Variants in STK38 observed in about 807,000 individuals in gnomAD.
STK38 encodes the protein serine/threonine kinase 38.
In STK38, 26 loss-of-function variants were observed where a neutral mutation model predicts 59.0. That is an observed-to-expected ratio of 0.44 (90% CI 0.32 to 0.61). The LOEUF is 0.61. Ranked by LOEUF, STK38 falls within the 20% of genes least tolerant of loss-of-function variation. The pLI, the probability that STK38 is intolerant of heterozygous loss-of-function variation, is 0.04. For synonymous variants in STK38, 175 were observed against 176.6 expected (o/e 0.99, Z 0.07); for missense variants, 433 against 566.0 (o/e 0.76, Z 2.38).
chr6:36,530,371 CT>C (rs112772351), intron 2 of STK38, among the ~76,000 whole-genome samples: 8,176 of 147,798 alleles, frequency 0.055, 531 homozygotes, highest in Admixed American at 0.17. Context: ...CTAATAAATA[CT>C]TTTTTTTTTG....
intron 5 of STK38, among the ~76,000 whole-genome samples, chr6:36,519,800 C>T (rs1777338784): frequency 6.6e-6 from 1 of 152,154 alleles, no homozygotes; most frequent in Non-Finnish European, 1.5e-5. Context: ...TAACTGTATA[C>T]TGGCATCACA....
In STK38 at chr6:36,495,672, T is replaced by G; in HGVS notation, c.*112A>C. ...TACCACATTTCAGGAGACTTTACTA[T>G]GACATATTGGTGGGTTCCATCAACT... On this transcript the variant is annotated 3_prime_UTR_variant, in exon 14 of 14. Transcript: ENST00000229812. The G allele has an allele frequency of 5.0e-6, 7 of 1,393,352 alleles. No homozygotes were observed. The highest frequency in any genetic ancestry group is 6.9e-6 in the Non-Finnish European group (7 of 1,019,914). 86.3% of individuals were successfully genotyped at this position (1,393,352 alleles called of 1,614,324 possible). A position where few individuals can be genotyped will look rare whatever the true frequency, so the allele number is the denominator to read the frequency against.
At chr6:36,542,510 G>C (rs1162774407) in intron 1 of STK38, among the ~76,000 whole-genome samples, 1 of 152,140 alleles carries the variant, frequency 6.6e-6, no homozygotes, top group African/African-American at 2.4e-5. Context: ...TCAACCAGGA[G>C]TGTGGCACAC....
Position 36,503,964 on chromosome 6 carries a change from C to T in STK38, c.834+2619G>A, listed in dbSNP as rs183397695. ...CCAGGGTGTCCTCCAACTCCAACCT[C>T]GTAAATCTGTACTCCAGTTTCTCCT... On this transcript the variant is annotated intron_variant, in intron 9 of 13. Coordinates refer to ENST00000229812, the MANE Select transcript of STK38 (RefSeq NM_007271.4). Among the ~76,000 whole-genome samples, 8 of 152,324 alleles carry T rather than the reference C, an allele frequency of 5.3e-5. No individual in the cohort carries two copies. The East Asian group carries it at 5.8e-4, about 11-fold the overall frequency.
chr6:36,515,643 A>G, intron 6 of STK38, 151 bp from the exon 7 acceptor site: 2 of 1,344,656 alleles, frequency 1.5e-6, no homozygotes, highest in Non-Finnish European at 2.0e-6. Flanking sequence ...TGTGCCAGAG[A>G]TAGACCCACA....
At position 36,539,745 on chromosome 6, in the gene STK38, ATTTTTT is replaced by A. The variant is rs55784149; in HGVS notation, c.131+321_131+326del. Among the ~76,000 whole-genome samples the A allele has an allele frequency of 4.3e-3, 565 of 131,232 alleles. 2 individuals are homozygous for A. Among genetic ancestry groups the A allele is most frequent in the African/African-American group, 0.015 (535 of 34,928 alleles). The allele number at this position is 131,232 out of a possible 152,430, so 86.1% of individuals were successfully genotyped here. ...CAATCAACTCCTTGGATTGGGCCTA[ATTTTTT>A]TTTTTTTTTTTTTTTTAAGATACAG... On this transcript the variant is annotated intron_variant, in intron 2 of 13. Transcript: ENST00000229812.
At chr6:36,496,043 A>AT (rs34301019) in intron 13 of STK38, 129 bp from the exon 14 acceptor site, 43,248 of 616,550 alleles carry the variant, frequency 0.07, 226 homozygotes, top group African/African-American at 0.098. Context: ...CACTCTATGA[A>AT]TTTTTTTTTT....
chr6:36,498,266 C>G (rs944639162), intron 11 of STK38, 97 bp downstream of exon 11: 1 of 1,477,326 alleles, frequency 6.8e-7, no homozygotes, highest in Admixed American at 2.2e-5. Context: ...TAGGAGGAAA[C>G]AGAAAGCAGA....
chr6:36,517,591 TA>T, intron 6 of STK38, 125 bp downstream of exon 6: 7 of 1,278,120 alleles, frequency 5.5e-6, no homozygotes, highest in South Asian at 3.2e-5. Flanking sequence ...TTTATAGACC[TA>T]AAAAAGGATA....
At chr6:36,498,589 C>CTTTTTTTT (rs374274208) in intron 10 of STK38, 103 bp from the exon 11 acceptor site, 14 of 936,304 alleles carry the variant, frequency 1.5e-5, no homozygotes, top group East Asian at 3.5e-5. Flanking sequence ...TTTCTTTTTT[C>CTTTTTTTT]TTTTTTTTTT....
chr6:36,497,346 C>A (rs1358923243), intron 12 of STK38, among the ~76,000 whole-genome samples: 1 of 152,194 alleles, frequency 6.6e-6, no homozygotes, highest in Non-Finnish European at 1.5e-5. Flanking sequence ...TCTACTACCC[C>A]CACCATAACA....
chr6:36,536,364 G>T (rs1777790501), intron 2 of STK38, among the ~76,000 whole-genome samples: 6 of 152,006 alleles, frequency 3.9e-5, no homozygotes, highest in Admixed American at 3.3e-4. Flanking sequence ...AAATCCTTAT[G>T]ACTTGGGGAT....
chr6:36,508,829 G>A (rs1777032313), intron 7 of STK38, among the ~76,000 whole-genome samples: 1 of 152,232 alleles, frequency 6.6e-6, no homozygotes. Context: ...AGAGCAGGTA[G>A]CTCCAGGTGC....
chr6:36,538,393 G>T (rs1777849258), intron 2 of STK38, among the ~76,000 whole-genome samples: 1 of 152,142 alleles, frequency 6.6e-6, no homozygotes, highest in African/African-American at 2.4e-5. Flanking sequence ...ACTTTTTCTG[G>T]GAGACGTAAT....
At chr6:36,510,508 G>A (rs537111685) in intron 7 of STK38, among the ~76,000 whole-genome samples, 1 of 152,178 alleles carries the variant, frequency 6.6e-6, no homozygotes, top group Non-Finnish European at 1.5e-5. Flanking sequence ...TGGGAGGGCA[G>A]GGCTCCCGCT....
intron 2 of STK38, among the ~76,000 whole-genome samples, chr6:36,527,552 C>T (rs530283065): frequency 1.5e-5 from 2 of 137,798 alleles, no homozygotes; most frequent in Non-Finnish European, 3.1e-5. Context: ...GACTCTGCCT[C>T]AAAGAAAAAA....
chr6:36,506,721 G>C, intron 8 of STK38, 77 bp from the exon 9 acceptor site: 1 of 1,303,548 alleles, frequency 7.7e-7, no homozygotes, highest in Non-Finnish European at 1.1e-6. Context: ...GCTCTTTCAA[G>C]TCACATGAGA....
chr6:36,501,709 G>C (rs1243668735), intron 9 of STK38, among the ~76,000 whole-genome samples: 2 of 152,092 alleles, frequency 1.3e-5, no homozygotes, highest in Non-Finnish European at 2.9e-5. Context: ...ACAGGAGTGA[G>C]CCACCGCAAC....
At position 36,527,207 on chromosome 6, in the gene STK38, A is replaced by ATATATAT. The variant is rs1554168828; in HGVS notation, c.132-1566_132-1565insATATATA. On this transcript the variant is annotated intron_variant, in intron 2 of 13. Transcript: ENST00000229812. ...ACTCCGTCTCAAAAAAAAAAAAAAA[A>ATATATAT]ATATATGTATATATATATATATTTA... Among the ~76,000 whole-genome samples the ATATATAT allele has an allele frequency of 3.8e-3, 454 of 119,294 alleles. 3 individuals are homozygous for ATATATAT. Among genetic ancestry groups the ATATATAT allele is most frequent in the African/African-American group, 8.4e-3 (240 of 28,560 alleles). The allele number at this position is 119,294 out of a possible 152,430, so 78.3% of individuals were successfully genotyped here. A position where few individuals can be genotyped will look rare whatever the true frequency, so the allele number is the denominator to read the frequency against.
Sources: gnomAD v4.1 joint callset for allele counts (sites outside exome capture counted in the v4.1 genomes callset) on GRCh38, gnomAD v4.1.1 for gene constraint, MANE v1.5 for transcripts, NCBI Gene and HGNC (gene_info 2026-07-23, HGNC 2026-07-21) for gene names.